The following ACADM variants were observed in gnomAD, a reference collection of about 807,000 sequenced individuals.
ACADM encodes the protein medium-chain specific acyl-CoA dehydrogenase, mitochondrial.
ACADM carries 49 observed loss-of-function variants against 58.9 expected under a neutral mutation model. The ratio of observed to expected loss-of-function variants is 0.83; its 90% CI spans 0.66 to 1.06. The LOEUF is 1.06. Among genes scored for constraint, ACADM ranks in the 50% least tolerant of loss-of-function variants. ACADM has a pLI of 0.00. For synonymous variants in ACADM, 160 were observed against 157.7 expected, an observed-to-expected ratio of 1.01 and a Z score of -0.11; for missense variants, 496 against 507.0, an observed-to-expected ratio of 0.98 and a Z score of 0.21.
At chr1:75,731,239 A>C (rs1647143679) in intron 2 of ACADM, among the ~76,000 whole-genome samples, 1 of 130,882 alleles carries the variant, frequency 7.6e-6, no homozygotes, top group African/African-American at 2.9e-5. Context: ...AGATTGCGCC[A>C]CTGCACTCCA....
At chr1:75,731,477 C>T (rs779571916) in intron 2 of ACADM, among the ~76,000 whole-genome samples, 4 of 152,056 alleles carry the variant, frequency 2.6e-5, no homozygotes, top group Admixed American at 6.6e-5. Flanking sequence ...TAATCTTTGA[C>T]GTTAGATGCA....
chr1:75,757,334 T>C (rs1253713146), intron 10 of ACADM, among the ~76,000 whole-genome samples: 2 of 152,110 alleles, frequency 1.3e-5, no homozygotes, highest in Non-Finnish European at 2.9e-5. Context: ...ATATCCAGAA[T>C]CTACAATGAA....
chr1:75,744,479 CT>C, intron 7 of ACADM: 3 of 1,533,996 alleles, frequency 2.0e-6, no homozygotes, highest in Non-Finnish European at 2.7e-6. Context: ...ACCACTTCAT[CT>C]TCTGCAACTG....
chr1:75,759,908 G>T (rs1368051073), intron 10 of ACADM, among the ~76,000 whole-genome samples: 1 of 151,722 alleles, frequency 6.6e-6, no homozygotes, highest in Non-Finnish European at 1.5e-5. Context: ...TGATCTGCCC[G>T]CCTCGGCCTC....
intron 6 of ACADM, 46 bp downstream of exon 6, chr1:75,734,917 C>A: frequency 7.0e-7 from 1 of 1,421,652 alleles, no homozygotes; most frequent in East Asian, 2.3e-5. Flanking sequence ...AAGAAGGGAA[C>A]AAAGGTGCTA....
At chr1:75,755,527 A>G (rs1260719508) in intron 10 of ACADM, among the ~76,000 whole-genome samples, 2 of 152,222 alleles carry the variant, frequency 1.3e-5, no homozygotes, top group African/African-American at 4.8e-5. Flanking sequence ...GCAAACTCCA[A>G]CAGACCTGCA....
intron 6 of ACADM, among the ~76,000 whole-genome samples, chr1:75,736,065 A>T (rs1336585335): frequency 6.6e-6 from 1 of 152,140 alleles, no homozygotes; most frequent in African/African-American, 2.4e-5. Context: ...TTGTTGAATG[A>T]CTGAATGACT....
rs775952806 is a variant in ACADM, at chr1:75,761,232, T to C, written c.1056T>C (p.Tyr352=). The change falls in exon 11 of 12, where the codon TAT becomes TAC. Residue 352 remains tyrosine (Y), a synonymous_variant. Transcript: ENST00000370841. ...WEVDSGRRNT[Y]YASIAKAFAG... The stretch of plus-strand genomic sequence containing the variant: ...TTGATTCTGGTCGTCGAAATACCTA[T>C]TATGCTTCTATTGCAAAGGCATTTG... The C allele has an allele frequency of 3.7e-6, 6 of 1,614,052 alleles. No homozygotes were observed. Among genetic ancestry groups the C allele is most frequent in the African/African-American group, 1.3e-5 (1 of 74,934 alleles).
chr1:75,729,791 AC>A (rs1423060951), intron 2 of ACADM, among the ~76,000 whole-genome samples: 1 of 151,720 alleles, frequency 6.6e-6, no homozygotes, highest in African/African-American at 2.4e-5. Context: ...ACTGTGCCCA[AC>A]CTAAATGAAA....
At chr1:75,732,108 C>T (rs1647157996) in intron 2 of ACADM, among the ~76,000 whole-genome samples, 1 of 151,614 alleles carries the variant, frequency 6.6e-6, no homozygotes, top group Non-Finnish European at 1.5e-5. Context: ...GTCGTAATTG[C>T]ACCACTGCAC....
At chr1:75,761,065 A>G in intron 10 of ACADM, 57 bp from the exon 11 acceptor site, 1 of 1,532,186 alleles carries the variant, frequency 6.5e-7, no homozygotes, top group Non-Finnish European at 8.9e-7. Context: ...AGCCCCAGGA[A>G]AAAACTTTTA....
Position 75,745,814 on chromosome 1 carries a change from T to C in ACADM, c.608T>C (p.Leu203Ser). 1.2e-6 allele frequency: 2 copies of C among 1,613,070 alleles called. No homozygotes were observed. The highest frequency in any genetic ancestry group is 1.7e-5 in the Admixed American group (1 of 60,024). ...GTATGTGTATCTCTTAGGTATTTTT[T>C]ATTGGCACGTTCTGATCCAGATCCT... is the stretch of plus-strand genomic sequence containing the variant. ...TNGGKANWYF[L>S]LARSDPDPKA... Residue 203 changes from leucine (L) to serine (S), a missense_variant, in exon 8 of 12, where the codon TTA (leucine) becomes TCA (serine). Leu to Ser is a moderately radical substitution (Grantham distance 145). Transcript: ENST00000370841.
intron 7 of ACADM, among the ~76,000 whole-genome samples, chr1:75,740,554 T>C (rs1401291903): frequency 6.6e-6 from 1 of 152,134 alleles, no homozygotes; most frequent in East Asian, 1.9e-4. Flanking sequence ...AATTTGACTT[T>C]AATAAAATCT....
chr1:75,733,617 A>G lies in ACADM; in HGVS notation c.376A>G (p.Asn126Asp). ...CTGVQTAIEG[N>D]SLGQMPIIIA... ...AGGGGTTCAGACTGCTATTGAAGGA[A>G]ATTCTTTGGGGGTAAGTGACTTAGA... is the stretch of plus-strand genomic sequence containing the variant. The change falls in exon 5 of 12, where the codon AAT (asparagine) becomes GAT (aspartate). Residue 126 changes from asparagine (N) to aspartate (D), a missense_variant. By Grantham distance (23) the Asn-to-Asp change is conservative. Transcript: ENST00000370841. The G allele has an allele frequency of 6.2e-7, 1 of 1,613,170 alleles. No homozygotes were observed.
In ACADM at chr1:75,762,878, C is replaced by A; in HGVS notation, c.*115C>A. 1 of 666,738 alleles carries A rather than the reference C, an allele frequency of 1.5e-6. No homozygotes were observed. The highest frequency in any genetic ancestry group is 2.7e-6 in the Non-Finnish European group (1 of 376,080). The allele number at this position is 666,738 out of a possible 1,614,324, so 41.3% of individuals were successfully genotyped here. On this transcript the variant is annotated 3_prime_UTR_variant, in exon 12 of 12. Transcript: ENST00000370841. ...GAAAACAAATCCTCTTATATTAAAT[C>A]TAAGCAACTGCTTATTATAGTAGTT...
chr1:75,744,313 G>T, intron 7 of ACADM: 1 of 1,613,420 alleles, frequency 6.2e-7, no homozygotes, highest in Non-Finnish European at 8.5e-7. Flanking sequence ...AGCTTCAGCC[G>T]GCTTGGCCTT....
chr1:75,731,211 G>A (rs906608385), intron 2 of ACADM, among the ~76,000 whole-genome samples: 6 of 149,968 alleles, frequency 4.0e-5, no homozygotes, highest in African/African-American at 9.8e-5. Flanking sequence ...CCCGGGAGGC[G>A]GAGCTTGCAG....
In ACADM at chr1:75,749,527, G is replaced by A. The variant is rs1262408120; in HGVS notation, c.817G>A (p.Ala273Thr). Reference sequence around the variant, plus strand: ...TGGTGACGGAGCTGGTTTCAAAGTTGCAATGGGAGCTTTTGATAAAACCAG... The same window carrying A: ...TGGTGACGGAGCTGGTTTCAAAGTTACAATGGGAGCTTTTGATAAAACCAG... ...LIGDGAGFKV[A>T]MGAFDKTRPV... The change falls in exon 9 of 12, where the codon GCA (alanine) becomes ACA (threonine). Residue 273 changes from alanine to threonine, a missense_variant. Transcript: ENST00000370841. 2 of 1,614,024 alleles carry A rather than the reference G, an allele frequency of 1.2e-6. No individual in the cohort carries two copies. Among genetic ancestry groups the A allele is most frequent in the East Asian group, 2.2e-5 (1 of 44,862 alleles).
At chr1:75,730,655 A>G (rs1323010231) in intron 2 of ACADM, among the ~76,000 whole-genome samples, 1 of 151,806 alleles carries the variant, frequency 6.6e-6, no homozygotes, top group Non-Finnish European at 1.5e-5. Flanking sequence ...CAGTTAGGAC[A>G]ATAGGTCCAT....
Sources: gnomAD v4.1 joint callset for allele counts (sites outside exome capture counted in the v4.1 genomes callset) on GRCh38, gnomAD v4.1.1 for gene constraint, MANE v1.5 for transcripts, NCBI Gene and HGNC (gene_info 2026-07-23, HGNC 2026-07-21) for gene names.